Variants in LPIN1 observed in about 807,000 individuals in gnomAD.
LPIN1 encodes phosphatidate phosphatase LPIN1.
In LPIN1, 71 loss-of-function variants were observed where a neutral mutation model predicts 107.5. The observed-to-expected ratio is 0.66, with a 90% CI of 0.55 to 0.80. LPIN1 has a LOEUF of 0.80. LPIN1 is among the 30% of genes least tolerant of loss of function. The pLI is 0.00. For missense variants in LPIN1, 1,043 were observed against 1,160.6 expected, an observed-to-expected ratio of 0.90 and a Z score of 1.47; for synonymous variants, 445 against 452.6, an observed-to-expected ratio of 0.98 and a Z score of 0.21.
At chr2:11,810,957 T>C (rs1572969424) in intron 17 of LPIN1, among the ~76,000 whole-genome samples, 1 of 152,284 alleles carries the variant, frequency 6.6e-6, no homozygotes, top group East Asian at 1.9e-4. Flanking sequence ...CTTTTTTTTT[T>C]CCTTCTTCCC....
chr2:11,789,706 G>T (rs1042594276), intron 12 of LPIN1, among the ~76,000 whole-genome samples: 2 of 152,030 alleles, frequency 1.3e-5, no homozygotes, highest in African/African-American at 4.8e-5. Context: ...CCCTGCCATG[G>T]TATCCATGGC....
At chr2:11,699,710 G>A (rs1662770388) in intron 1 of LPIN1, among the ~76,000 whole-genome samples, 1 of 152,150 alleles carries the variant, frequency 6.6e-6, no homozygotes, top group African/African-American at 2.4e-5. Context: ...ACCACCGTGT[G>A]CTGGGCTCTG....
chr2:11,798,525 C>T (rs763779531), intron 14 of LPIN1, among the ~76,000 whole-genome samples: 6 of 152,222 alleles, frequency 3.9e-5, no homozygotes, highest in Non-Finnish European at 8.8e-5. Flanking sequence ...CGGATTTTCT[C>T]ACTGTCCGAT....
rs181775949 is a variant in LPIN1, at chr2:11,734,400, A to G, written c.-71-6949A>G. ...AGAAACTCACCCTTTTTTATAGCCA[A>G]GCAAATACAACCCATTGTTTACATG... is the stretch of plus-strand genomic sequence containing the variant. On this transcript the variant is annotated intron_variant, in intron 1 of 21. Coordinates refer to the LPIN1 transcript ENST00000396097. 1.8e-4 allele frequency among the ~76,000 whole-genome samples: 27 copies of G among 152,374 alleles called. No individual in the cohort carries two copies. The East Asian group carries it at 5.2e-3, about 29-fold the overall frequency.
At chr2:11,723,790 C>T (rs544760215), upstream of LPIN1, 2 of 152,306 alleles carry the variant, frequency 1.3e-5, no homozygotes, top group Admixed American at 1.3e-4. Context: ...TAAAGGATTC[C>T]ATTCTGTTGA....
chr2:11,677,546 T>C, upstream of LPIN1: 3 of 841,920 alleles, frequency 3.6e-6, no homozygotes, highest in Non-Finnish European at 3.8e-6. Context: ...CAGGCTCCAG[T>C]GTCACCCAGC....
chr2:11,814,871 C>T (rs532946389), intron 17 of LPIN1, among the ~76,000 whole-genome samples: 1 of 152,228 alleles, frequency 6.6e-6, no homozygotes, highest in South Asian at 2.1e-4. Context: ...GAGGATTAAA[C>T]AAAGTGGGGA....
intron 1 of LPIN1, among the ~76,000 whole-genome samples, chr2:11,713,124 T>C (rs757692793): frequency 1.6e-4 from 25 of 152,232 alleles, no homozygotes; most frequent in Non-Finnish European, 3.1e-4. Flanking sequence ...TCATGCAGCC[T>C]GACCTTCTTA....
At chr2:11,763,872 C>G (rs1228088829) in intron 1 of LPIN1, among the ~76,000 whole-genome samples, 1 of 151,680 alleles carries the variant, frequency 6.6e-6, no homozygotes, top group African/African-American at 2.4e-5. Context: ...AGCCCGCCTC[C>G]AGCGCCAGCT....
intron 1 of LPIN1, among the ~76,000 whole-genome samples, chr2:11,732,719 G>A (rs535520533): frequency 5.3e-4 from 81 of 152,246 alleles, no homozygotes; most frequent in African/African-American, 1.8e-3. Context: ...CATGTGTCTT[G>A]TGCCACATTA....
At chr2:11,778,998 A>G (rs933020640) in intron 6 of LPIN1, among the ~76,000 whole-genome samples, 3 of 152,198 alleles carry the variant, frequency 2.0e-5, no homozygotes, top group African/African-American at 7.2e-5. Flanking sequence ...TGTGGCATCC[A>G]GCATCTTTGG....
intron 14 of LPIN1, among the ~76,000 whole-genome samples, chr2:11,800,551 C>G (rs1226941713): frequency 1.3e-5 from 2 of 152,062 alleles, no homozygotes; most frequent in African/African-American, 4.8e-5. Flanking sequence ...GGACTATAGG[C>G]AAGAACCACC....
In LPIN1 at chr2:11,697,867, C is replaced by T. The variant is rs1194466123; in HGVS notation, c.82-15889C>T. Among the ~76,000 whole-genome samples, 1 of 152,104 alleles carries T rather than the reference C, an allele frequency of 6.6e-6. No individual in the cohort carries two copies. The highest frequency in any genetic ancestry group is 2.4e-5 in the African/African-American group (1 of 41,426). The stretch of plus-strand genomic sequence containing the variant: ...CGCACATTACATGGAAGCGAGTGTG[C>T]TCAGAAATGCAGGTTCTCCCGAGGG... On this transcript the variant is annotated intron_variant, in intron 1 of 21. Transcript: ENST00000449576. This position sits in a 1 kb window ranked among gnomAD's most constrained non-coding sequence, Gnocchi z 4.6.
chr2:11,784,501 G>T (rs748897410), intron 9 of LPIN1, among the ~76,000 whole-genome samples: 22 of 152,318 alleles, frequency 1.4e-4, no homozygotes, highest in Admixed American at 1.3e-3. Flanking sequence ...CCACAGCCCA[G>T]TAAGTGGCAG....
Position 11,765,594 on chromosome 2 carries a change from T to C in LPIN1, c.53T>C (p.Leu18Pro), listed in dbSNP as rs779340138. Residue 18 changes from leucine to proline, a missense_variant, in exon 2 of 21, where the codon CTC becomes CCC. Transcript: ENST00000674199. The surrounding 1 kb of genome is among the most constrained non-coding windows in gnomAD (Gnocchi z 4.4). ...CAGGTGTTTGTCACCGTGAAGGAGC[T>C]CTACAAGGGGCTGAATCCCGCCACA... ...AGQVFVTVKE[L>P]YKGLNPATLS... 1.2e-6 allele frequency: 2 copies of C among 1,614,100 alleles called. No individual in the cohort carries two copies. Among genetic ancestry groups the C allele is most frequent in the South Asian group, 1.1e-5 (1 of 91,080 alleles).
rs112734044 is a variant in LPIN1 at position 11,703,391 on chromosome 2, C to T, written c.82-10365C>T. 2.0e-3 allele frequency among the ~76,000 whole-genome samples: 307 copies of T among 152,218 alleles called. 1 individual carries two copies. Among genetic ancestry groups the T allele is most frequent in the African/African-American group, 7.3e-3 (302 of 41,522 alleles). On this transcript the variant is annotated intron_variant, in intron 1 of 21. Transcript: ENST00000449576. ...TTCAGGGTGCCCAAGGAGCCTGACGCAACTGCTCTGAGAGCCCTGGGGTCC... is the reference window on the plus strand; with the variant it reads ...TTCAGGGTGCCCAAGGAGCCTGACGTAACTGCTCTGAGAGCCCTGGGGTCC...
rs56761219 is a variant in LPIN1, at chr2:11,725,609, T to C, written c.-72+1070T>C. Among the ~76,000 whole-genome samples the C allele has an allele frequency of 7.0e-3, 1,070 of 152,338 alleles. 13 individuals carry two copies. Among genetic ancestry groups the C allele is most frequent in the African/African-American group, 0.024 (1,005 of 41,578 alleles). ...TTTATGTAACCCTGGGAACCATTAA[T>C]CATGCAAAAACAATCAGCAAACACA... On this transcript the variant is annotated intron_variant, in intron 1 of 21. Coordinates refer to the LPIN1 transcript ENST00000396097.
Position 11,783,880 on chromosome 2 carries a change from C to T in LPIN1, c.1316C>T (p.Thr439Ile), listed in dbSNP as rs2148658875. The T allele has an allele frequency of 1.2e-6, 2 of 1,614,206 alleles. No individual in the cohort carries two copies. The highest frequency in any genetic ancestry group is 1.6e-4 in the Middle Eastern group (1 of 6,062). The change falls in exon 9 of 21, where the codon ACA (threonine) becomes ATA (isoleucine). Residue 439 changes from threonine to isoleucine, a missense_variant. Physicochemically the swap from Thr to Ile is moderately conservative, Grantham distance 89. Coordinates refer to ENST00000674199, the MANE Select transcript of LPIN1 (RefSeq NM_001349206.2). ...GADGVYLDDL[T>I]DMDPEVAALY... ...GACGGCGTCTACTTGGATGACCTCA[C>T]AGACATGGATCCTGAAGTGGCGGCC...
In LPIN1 at chr2:11,729,876, G is replaced by A. The variant is rs113485904; in HGVS notation, c.-72+5337G>A. Among the ~76,000 whole-genome samples, 1,169 of 152,126 alleles carry A rather than the reference G, an allele frequency of 7.7e-3. 4 individuals are homozygous for A. The highest frequency in any genetic ancestry group is 0.012 in the Non-Finnish European group (794 of 68,010). On this transcript the variant is annotated intron_variant, in intron 1 of 21. Coordinates refer to the LPIN1 transcript ENST00000396097. ...AATTTCAAATAGAAAATGCCTCTGT[G>A]TGTGTGCATGTGTGAGTGTGTGCTG... is the stretch of plus-strand genomic sequence containing the variant.
Sources: gnomAD v4.1 joint callset for allele counts (sites outside exome capture counted in the v4.1 genomes callset) on GRCh38, gnomAD v4.1.1 for gene constraint, Gnocchi (gnomAD v3.1) non-coding constraint, MANE v1.5 for transcripts, NCBI Gene and HGNC (gene_info 2026-07-23, HGNC 2026-07-21) for gene names.